The following SNUPN variants were observed in gnomAD, a reference collection of about 807,000 sequenced individuals.
SNUPN encodes snurportin 1.
SNUPN carries 31 observed loss-of-function variants against 39.2 expected under a neutral mutation model. That is an observed-to-expected ratio of 0.79 (90% confidence interval 0.59 to 1.07). SNUPN has a LOEUF of 1.07. SNUPN is among the 50% of genes least tolerant of loss of function. The pLI is 0.00. For missense variants in SNUPN, 382 were observed against 434.2 expected (o/e 0.88, Z 1.07); for synonymous variants, 132 against 159.0 (o/e 0.83, Z 1.28).
rs745986373 is a variant in SNUPN at position 75,624,778 on chromosome 15, TG to T, written c.-6+887del. 2.1e-4 allele frequency: 273 copies of T among 1,272,804 alleles called. 3 individuals carry two copies. The South Asian group carries it at 3.0e-3, about 14-fold the overall frequency. The allele number at this position is 1,272,804 out of a possible 1,614,324, so 78.8% of individuals were successfully genotyped here. On this transcript the variant is annotated intron_variant, in intron 1 of 8. Coordinates refer to ENST00000308588, the MANE Select transcript of SNUPN (RefSeq NM_005701.4). Reference sequence around the variant, plus strand: ...CGTTTTGTTTTTTCTTTGTTGTTGTTGTTTTTTTTTTGAGACAGAGTTTCGC... The same window carrying T: ...CGTTTTGTTTTTTCTTTGTTGTTGTTTTTTTTTTTTGAGACAGAGTTTCGC...
intron 4 of SNUPN, 41 bp downstream of exon 4, chr15:75,609,849 C>G (rs748996803): frequency 6.7e-7 from 1 of 1,486,518 alleles, no homozygotes. Context: ...CCTCCCACTA[C>G]AGACCAGGCC....
Position 75,617,543 on chromosome 15 carries a change from C to T in SNUPN, c.168G>A (p.Leu56=), listed in dbSNP as rs751464875. The T allele has an allele frequency of 1.2e-6, 2 of 1,608,694 alleles. No homozygotes were observed. The highest frequency in any genetic ancestry group is 2.2e-5 in the South Asian group (2 of 89,758). ...GTCTTCTGGCATGGTTCACATAATCCAGCCGCTTGCTGGAAGGAAAAAAAA... is the reference window on the plus strand; with the variant it reads ...GTCTTCTGGCATGGTTCACATAATCTAGCCGCTTGCTGGAAGGAAAAAAAA... ...RLLELQKSKR[L]DYVNHARRLA... Residue 56 remains leucine (L), a synonymous_variant, in exon 3 of 9, where the codon CTG becomes CTA. Transcript: ENST00000308588.
At chr15:75,616,869 G>C (rs1892951712) in intron 3 of SNUPN, among the ~76,000 whole-genome samples, 1 of 152,182 alleles carries the variant, frequency 6.6e-6, no homozygotes, top group African/African-American at 2.4e-5. Context: ...CCTCACCTTG[G>C]CCAGCTGGCT....
chr15:75,599,362 T>A (rs138249159), intron 8 of SNUPN, among the ~76,000 whole-genome samples: 3 of 151,330 alleles, frequency 2.0e-5, no homozygotes, highest in Admixed American at 1.3e-4. Flanking sequence ...TGAACTCTGG[T>A]CTTCTGTCCC....
At chr15:75,611,584 C>T (rs113023713) in intron 3 of SNUPN, among the ~76,000 whole-genome samples, 6,065 of 151,322 alleles carry the variant, frequency 0.04, 170 homozygotes, top group Middle Eastern at 0.096. Context: ...TGGCCAGGAA[C>T]GGTGGCTCAC....
rs2075338548 is a variant in SNUPN, at chr15:75,607,293, T to C, written c.523A>G (p.Ile175Val). ...TAKDYTILDC[I>V]YNEVNQTYYV... ...TAGGTCTGGTTTACCTCATTGTAAA[T>C]GCAATCTAGAATGGTGTAGTCTGAG... Residue 175 changes from isoleucine to valine, a missense_variant, in exon 6 of 9, where the codon ATT becomes GTT. By Grantham distance (29) the Ile-to-Val change is conservative. Transcript: ENST00000308588. The C allele has an allele frequency of 6.2e-7, 1 of 1,613,028 alleles. No individual in the cohort carries two copies. The highest frequency in any genetic ancestry group is 8.5e-7 in the Non-Finnish European group (1 of 1,179,034).
intron 3 of SNUPN, among the ~76,000 whole-genome samples, chr15:75,612,568 A>T (rs932111239): frequency 2.0e-5 from 3 of 151,850 alleles, no homozygotes; most frequent in Non-Finnish European, 4.4e-5. Context: ...ATCTATTTCT[A>T]TAGCTTCACT....
At position 75,617,490 on chromosome 15, in the gene SNUPN, T is replaced by G. The variant is rs776146587; in HGVS notation, c.221A>C (p.Glu74Ala). The G allele has an allele frequency of 6.8e-6, 11 of 1,614,004 alleles. No homozygotes were observed. In the South Asian group the frequency reaches 1.2e-4, roughly 18 times the overall value. The change falls in exon 3 of 9, where the codon GAG (glutamate) becomes GCG (alanine). Residue 74 changes from glutamate to alanine, a missense_variant. Transcript: ENST00000308588. ...RLAEDDWTGM[E>A]SEEENKKDDE... Reference sequence around the variant, plus strand: ...ATCTTTCTTATTTTCTTCCTCACTCTCCATCCCTGTCCAGTCATCTTCAGC... The same window carrying G: ...ATCTTTCTTATTTTCTTCCTCACTCGCCATCCCTGTCCAGTCATCTTCAGC...
At chr15:75,608,138 T>C (rs1324368848) in intron 5 of SNUPN, among the ~76,000 whole-genome samples, 1 of 152,070 alleles carries the variant, frequency 6.6e-6, no homozygotes, top group African/African-American at 2.4e-5. Context: ...CCCAGCACTT[T>C]GGGAGGCCAA....
chr15:75,614,191 T>G (rs1892871202), intron 3 of SNUPN, among the ~76,000 whole-genome samples: 1 of 152,074 alleles, frequency 6.6e-6, no homozygotes, highest in African/African-American at 2.4e-5. Flanking sequence ...CTAGGGAGGC[T>G]GAGGCAGGAA....
Position 75,598,556 on chromosome 15 carries a change from C to G in SNUPN, c.885G>C (p.Leu295=), listed in dbSNP as rs369130960. The G allele has an allele frequency of 1.2e-6, 2 of 1,614,032 alleles. No individual in the cohort carries two copies. The highest frequency in any genetic ancestry group is 2.7e-5 in the African/African-American group (2 of 74,910). ...VLGVAVPAGP[L]TTKPDYAGHQ... is the part of the protein sequence containing the mutation. ...GCCCAGCATAGTCTGGCTTGGTGGTCAGCGGGCCAGCCGGCACAGCTACAC... is the reference window on the plus strand; with the variant it reads ...GCCCAGCATAGTCTGGCTTGGTGGTGAGCGGGCCAGCCGGCACAGCTACAC... The change falls in exon 9 of 9, where the codon CTG becomes CTC. Residue 295 remains leucine (L), a synonymous_variant. Transcript: ENST00000308588.
chr15:75,623,306 G>A (rs933258768), intron 1 of SNUPN, among the ~76,000 whole-genome samples: 7 of 122,092 alleles, frequency 5.7e-5, no homozygotes, highest in South Asian at 2.5e-4. Context: ...CACCACGCCC[G>A]GCTAATTTTG....
chr15:75,619,842 G>A (rs1342950574), intron 2 of SNUPN, among the ~76,000 whole-genome samples: 1 of 151,896 alleles, frequency 6.6e-6, no homozygotes, highest in South Asian at 2.1e-4. Flanking sequence ...TCCACCTCCC[G>A]GGTTCAAGTG....
chr15:75,605,050 T>C (rs2075320455), intron 7 of SNUPN, 100 bp downstream of exon 7: 6 of 768,844 alleles, frequency 7.8e-6, no homozygotes, highest in Non-Finnish European at 1.3e-5. Context: ...CCATGCTGCC[T>C]CAAAAAAGAT....
intron 5 of SNUPN, among the ~76,000 whole-genome samples, chr15:75,607,806 G>A (rs1263796220): frequency 6.6e-6 from 1 of 152,150 alleles, no homozygotes. Flanking sequence ...AGGAGTTCCC[G>A]AAAGAGAAGG....
chr15:75,621,055 C>T lies in SNUPN; in HGVS notation c.-4G>A. The T allele has an allele frequency of 6.2e-7, 1 of 1,613,782 alleles. No homozygotes were observed. ...GGGCCTGACTCAACTCTTCCATCTT[C>T]CCTACAAAGGAAAACGTAAGAAAAT... On this transcript the variant is annotated splice_region_variant and 5_prime_UTR_variant, in exon 2 of 9. Transcript: ENST00000308588.
At chr15:75,599,154 T>C (rs2075265510) in intron 8 of SNUPN, among the ~76,000 whole-genome samples, 1 of 150,220 alleles carries the variant, frequency 6.7e-6, no homozygotes, top group Non-Finnish European at 1.5e-5. Context: ...GGCGACAGAG[T>C]GAGACTCTGT....
At chr15:75,598,718 C>T in intron 8 of SNUPN, 37 bp from the exon 9 acceptor site, 1 of 1,519,278 alleles carries the variant, frequency 6.6e-7, no homozygotes, top group Non-Finnish European at 9.0e-7. Flanking sequence ...CAAATGACTT[C>T]TGGGGCCACA....
intron 3 of SNUPN, among the ~76,000 whole-genome samples, chr15:75,611,325 T>C (rs1200313244): frequency 1.3e-5 from 2 of 149,458 alleles, no homozygotes; most frequent in East Asian, 4.3e-4. Flanking sequence ...CTATCTCAGC[T>C]CACTGCAAGC....
Sources: gnomAD v4.1 joint callset for allele counts (sites outside exome capture counted in the v4.1 genomes callset) on GRCh38, gnomAD v4.1.1 for gene constraint, MANE v1.5 for transcripts, NCBI Gene and HGNC (gene_info 2026-07-23, HGNC 2026-07-21) for gene names.